The following OSBPL9 variants were observed in gnomAD, a reference collection of about 807,000 sequenced individuals.
The protein encoded by OSBPL9 is oxysterol-binding protein-related protein 9.
In OSBPL9, 40 loss-of-function variants were observed where a neutral mutation model predicts 106.6. The ratio of observed to expected loss-of-function variants is 0.38; its 90% CI spans 0.29 to 0.49. The LOEUF (loss-of-function observed/expected upper bound fraction) is 0.49. Ranked by LOEUF, OSBPL9 falls within the 20% of genes least tolerant of loss-of-function variation. The probability of loss-of-function intolerance (pLI) is 0.97; values close to 1 mark genes in which losing one functional copy is unlikely to be tolerated. For synonymous variants in OSBPL9, 269 were observed against 295.4 expected (o/e 0.91, Z 0.92); for missense variants, 609 against 887.2 (o/e 0.69, Z 3.98).
At chr1:51,705,400 T>TATATATATATATATATA (rs1465007339) in intron 3 of OSBPL9, among the ~76,000 whole-genome samples, 5 of 34,742 alleles carry the variant, frequency 1.4e-4, no homozygotes, top group South Asian at 1.5e-3. Flanking sequence ...TATATATATA[T>TATATATATATATATATA]TTTTTTTTTT....
chr1:51,537,917 A>ATTCCTTATTTGCATCTCCCTT, the OSBPL9 span, among the ~76,000 whole-genome samples: 2 of 152,132 alleles, frequency 1.3e-5, no homozygotes, highest in Non-Finnish European at 2.9e-5. Context: ...TCTTTCTCCT[A>ATTCCTTATTTGCATCTCCCTT]TTCCTTATTT....
At chr1:51,675,170 T>C (rs545999818) in intron 3 of OSBPL9, among the ~76,000 whole-genome samples, 140 of 152,264 alleles carry the variant, frequency 9.2e-4, no homozygotes, top group African/African-American at 3.3e-3. Flanking sequence ...CAGAACAGAT[T>C]CCAGTCATTA....
the OSBPL9 span, among the ~76,000 whole-genome samples, chr1:51,530,170 C>CAAAAAAAAAAAAAAAAAAAA: frequency 6.3e-4 from 7 of 11,024 alleles, no homozygotes; most frequent in South Asian, 6.8e-3. Flanking sequence ...GACTCTGTCT[C>CAAAAAAAAAAAAAAAAAAAA]AAAAAAAAAA....
chr1:51,760,764 G>C lies in OSBPL9; in HGVS notation c.657G>C (p.Gln219His). The stretch of plus-strand genomic sequence containing the variant: ...CTGTGATCAGCACAATGCCTTCCCA[G>C]ACTGTGTTACCTCCAGGTAATTTGG... The part of the protein sequence containing the change: ...LEPVISTMPS[Q>H]TVLPPEPVQL... Residue 219 changes from glutamine to histidine, a missense_variant, in exon 10 of 24, where the codon CAG (glutamine) becomes CAC (histidine). Gln to His is a conservative substitution (Grantham distance 24). Coordinates refer to ENST00000428468, the MANE Select transcript of OSBPL9 (RefSeq NM_024586.6). 6.2e-6 allele frequency: 10 copies of C among 1,613,808 alleles called. No homozygotes were observed. The highest frequency in any genetic ancestry group is 8.5e-6 in the Non-Finnish European group (10 of 1,179,830).
intron 4 of OSBPL9, among the ~76,000 whole-genome samples, chr1:51,731,820 G>T (rs1664525124): frequency 6.6e-6 from 1 of 151,076 alleles, no homozygotes; most frequent in Non-Finnish European, 1.5e-5. Flanking sequence ...CAGATTTGTA[G>T]TCTGATTTGA....
At chr1:51,676,052 C>T (rs962135520) in intron 3 of OSBPL9, among the ~76,000 whole-genome samples, 2 of 152,096 alleles carry the variant, frequency 1.3e-5, no homozygotes, top group African/African-American at 4.8e-5. Flanking sequence ...TAAGACAGAA[C>T]TGAAATTTGA....
chr1:51,668,968 T>A (rs1570942465), intron 2 of OSBPL9, among the ~76,000 whole-genome samples: 1 of 152,172 alleles, frequency 6.6e-6, no homozygotes, highest in Admixed American at 6.5e-5. Context: ...TGGGACAGTG[T>A]TTTGAAGCAA....
chr1:51,544,023 C>T, the OSBPL9 span, among the ~76,000 whole-genome samples: 1 of 152,142 alleles, frequency 6.6e-6, no homozygotes, highest in African/African-American at 2.4e-5. Flanking sequence ...TCAATAATAC[C>T]ATGTGATGAA....
At chr1:51,720,974 T>C (rs776845770) in intron 4 of OSBPL9, among the ~76,000 whole-genome samples, 6 of 151,614 alleles carry the variant, frequency 4.0e-5, no homozygotes, top group Non-Finnish European at 8.8e-5. Context: ...GTTTTTTGTG[T>C]TTTTAGTAGA....
At chr1:51,545,754 C>T in the OSBPL9 span, among the ~76,000 whole-genome samples, 4 of 152,076 alleles carry the variant, frequency 2.6e-5, no homozygotes, top group Admixed American at 1.3e-4. Context: ...CAGCTACACA[C>T]AAACAAACAC....
At chr1:51,608,478 T>C (rs1643963919) in intron 2 of OSBPL9, among the ~76,000 whole-genome samples, 1 of 151,740 alleles carries the variant, frequency 6.6e-6, no homozygotes. Context: ...TTTTTTATTT[T>C]TAGTAGAGAA....
intron 16 of OSBPL9, 80 bp from the exon 17 acceptor site, chr1:51,782,477 GCA>G: frequency 8.8e-7 from 1 of 1,142,030 alleles, no homozygotes; most frequent in Non-Finnish European, 1.3e-6. Context: ...TGTAGAGCGA[GCA>G]GAGACCCCAA....
At chr1:51,594,484 C>T (rs188014824) in intron 1 of OSBPL9, among the ~76,000 whole-genome samples, 339 of 152,118 alleles carry the variant, frequency 2.2e-3, no homozygotes, top group African/African-American at 7.9e-3. Flanking sequence ...CAATGACCCC[C>T]TTTTTCCTCC....
At chr1:51,655,929 C>A (rs1477602144) in intron 2 of OSBPL9, among the ~76,000 whole-genome samples, 1 of 152,220 alleles carries the variant, frequency 6.6e-6, no homozygotes, top group Non-Finnish European at 1.5e-5. Flanking sequence ...TTTTACTAGG[C>A]TTTGTAGTAT....
chr1:51,679,911 G>A (rs1295257876), intron 3 of OSBPL9, among the ~76,000 whole-genome samples: 1 of 152,144 alleles, frequency 6.6e-6, no homozygotes, highest in Non-Finnish European at 1.5e-5. Context: ...TTATAGGCAA[G>A]TATGTAATAG....
intron 4 of OSBPL9, among the ~76,000 whole-genome samples, chr1:51,718,096 A>T (rs1252016234): frequency 6.6e-6 from 1 of 152,210 alleles, no homozygotes; most frequent in Non-Finnish European, 1.5e-5. Context: ...ATGTTAAGTG[A>T]AATAAGACAG....
chr1:51,626,202 G>T (rs1644755482), intron 1 of OSBPL9, among the ~76,000 whole-genome samples: 1 of 152,042 alleles, frequency 6.6e-6, no homozygotes, highest in African/African-American at 2.4e-5. Flanking sequence ...TAGTCCATTT[G>T]GTGGGAACAC....
At chr1:51,620,828 C>A (rs1344629943) in intron 1 of OSBPL9, among the ~76,000 whole-genome samples, 1 of 152,030 alleles carries the variant, frequency 6.6e-6, no homozygotes, top group African/African-American at 2.4e-5. Context: ...ATTGAAAAAT[C>A]TTTTATTATA....
chr1:51,527,963 A>C, the OSBPL9 span, among the ~76,000 whole-genome samples: 5,868 of 151,868 alleles, frequency 0.039, 154 homozygotes, highest in East Asian at 0.13. Context: ...AAATACAAAA[A>C]AAAAAAAAAA....
Sources: gnomAD v4.1 joint callset for allele counts (sites outside exome capture counted in the v4.1 genomes callset) on GRCh38, gnomAD v4.1.1 for gene constraint, MANE v1.5 for transcripts, NCBI Gene and HGNC (gene_info 2026-07-23, HGNC 2026-07-21) for gene names.